The following LRP1B variants were observed in gnomAD, a reference collection of about 807,000 sequenced individuals.
LRP1B encodes the protein LDL receptor related protein 1B, also known as low-density lipoprotein receptor-related protein 1B.
LRP1B carries 217 observed loss-of-function variants against 556.6 expected under a neutral mutation model. The observed-to-expected ratio is 0.39, with a 90% confidence interval of 0.35 to 0.44. LRP1B has a LOEUF of 0.44. LRP1B is among the 20% of genes least tolerant of loss of function. The pLI, the probability that LRP1B is intolerant of heterozygous loss-of-function variation, is 1.00. For synonymous variants in LRP1B, 2,047 were observed against 1,865.8 expected (o/e 1.10, Z -2.50); for missense variants, 5,053 against 5,620.8 (o/e 0.90, Z 3.23).
intron 2 of LRP1B, among the ~76,000 whole-genome samples, chr2:141,484,313 T>C (rs2105097884): frequency 6.7e-6 from 1 of 149,592 alleles, no homozygotes; most frequent in East Asian, 2.0e-4. Flanking sequence ...TTCTGTTCCA[T>C]TGGTCTATAT....
At chr2:141,330,759 T>C (rs1284385959) in intron 3 of LRP1B, among the ~76,000 whole-genome samples, 1 of 148,450 alleles carries the variant, frequency 6.7e-6, no homozygotes, top group Non-Finnish European at 1.5e-5. Flanking sequence ...TTTTTTTTTT[T>C]TTTTTTTTTT....
chr2:141,729,524 T>G (rs1421451668), intron 2 of LRP1B, among the ~76,000 whole-genome samples: 1 of 152,126 alleles, frequency 6.6e-6, no homozygotes, highest in Non-Finnish European at 1.5e-5. Flanking sequence ...TGTACATTAG[T>G]GGAAGTACAA....
At chr2:140,483,599 C>G (rs1331274512) in intron 59 of LRP1B, among the ~76,000 whole-genome samples, 1 of 93,758 alleles carries the variant, frequency 1.1e-5, no homozygotes, top group Non-Finnish European at 2.0e-5. Context: ...TATATATAGA[C>G]ACACACACAC....
In LRP1B at chr2:141,619,877, C is replaced by T. The variant is rs1212572821; in HGVS notation, c.206-139344G>A. ...ATCCACCCACTCTAAAACCATCCTA[C>T]GAGCAGATTAAAAGGGGCTAATGTT... On this transcript the variant is annotated intron_variant, in intron 2 of 90. Coordinates refer to ENST00000389484, the MANE Select transcript of LRP1B (RefSeq NM_018557.3). Among the ~76,000 whole-genome samples the T allele has an allele frequency of 6.6e-5, 10 of 152,258 alleles. No individual in the cohort carries two copies. In the South Asian group the frequency reaches 1.2e-3, roughly 19 times the overall value.
In LRP1B at chr2:140,851,589, C is replaced by T. The variant is rs567684449; in HGVS notation, c.4711+63G>A. 1.6e-5 allele frequency: 25 copies of T among 1,555,204 alleles called. No homozygotes were observed. The African/African-American group carries it at 2.6e-4, about 16-fold the overall frequency. On this transcript the variant is annotated intron_variant, in intron 28 of 90. Transcript: ENST00000389484. Reference sequence around the variant, plus strand: ...CTTTAATATGAGTAAAATCTGAATGCTAATATAATTTGAGAGAATTCAATT... The same window carrying T: ...CTTTAATATGAGTAAAATCTGAATGTTAATATAATTTGAGAGAATTCAATT...
chr2:141,658,156 G>A (rs1690084788), intron 2 of LRP1B, among the ~76,000 whole-genome samples: 1 of 152,130 alleles, frequency 6.6e-6, no homozygotes. Flanking sequence ...TATTGAGGGG[G>A]ATGAGAGGAA....
chr2:141,245,892 C>A (rs1427272330), intron 5 of LRP1B, among the ~76,000 whole-genome samples: 1 of 152,028 alleles, frequency 6.6e-6, no homozygotes, highest in African/African-American at 2.4e-5. Context: ...TTTTTTCCAT[C>A]CTGCCCTCCT....
chr2:141,426,642 T>C (rs979704121), intron 3 of LRP1B, among the ~76,000 whole-genome samples: 2 of 152,232 alleles, frequency 1.3e-5, no homozygotes, highest in Admixed American at 1.3e-4. Context: ...GATTCTTCTT[T>C]GGCTTTGTTT....
intron 7 of LRP1B, among the ~76,000 whole-genome samples, chr2:141,186,815 CAGAA>C (rs1172596446): frequency 2.0e-5 from 3 of 152,000 alleles, no homozygotes; most frequent in African/African-American, 7.2e-5. Context: ...TATTGTTGTT[CAGAA>C]AGAGAGATGG....
chr2:140,807,684 A>T (rs113785601), intron 32 of LRP1B, among the ~76,000 whole-genome samples: 2,944 of 151,888 alleles, frequency 0.019, 52 homozygotes, highest in Middle Eastern at 0.038. Flanking sequence ...AAAATTCCAT[A>T]AAAAAAATTT....
At chr2:140,498,085 CTT>C (rs1025761040) in intron 55 of LRP1B, among the ~76,000 whole-genome samples, 3 of 151,670 alleles carry the variant, frequency 2.0e-5, no homozygotes, top group African/African-American at 7.3e-5. Flanking sequence ...AAATAATAAT[CTT>C]TTGCATTTTC....
At chr2:140,510,320 G>T (rs1689599009) in intron 51 of LRP1B, among the ~76,000 whole-genome samples, 1 of 152,164 alleles carries the variant, frequency 6.6e-6, no homozygotes, top group Admixed American at 6.5e-5. Context: ...CTTGTAAAAT[G>T]TGGCAAAGCA....
intron 1 of LRP1B, among the ~76,000 whole-genome samples, chr2:142,082,517 C>A (rs1705757939): frequency 6.6e-6 from 1 of 152,150 alleles, no homozygotes; most frequent in South Asian, 2.1e-4. Context: ...GCCACACTGG[C>A]TGATTTCTTG....
At chr2:141,796,763 T>C (rs554328088) in intron 2 of LRP1B, among the ~76,000 whole-genome samples, 94 of 152,022 alleles carry the variant, frequency 6.2e-4, no homozygotes, top group African/African-American at 2.1e-3. Flanking sequence ...GATTCAAATA[T>C]TTTCTTTCAC....
chr2:141,431,883 T>C (rs1296347898), intron 3 of LRP1B, among the ~76,000 whole-genome samples: 1 of 152,186 alleles, frequency 6.6e-6, no homozygotes, highest in East Asian at 1.9e-4. Context: ...AGATTTACTA[T>C]ACATAAGGTC....
At chr2:141,098,177 T>C (rs767078919) in intron 7 of LRP1B, among the ~76,000 whole-genome samples, 1 of 152,192 alleles carries the variant, frequency 6.6e-6, no homozygotes, top group Non-Finnish European at 1.5e-5. Context: ...CTAAAATGTG[T>C]CTCTACTTTC....
chr2:140,945,179 T>C (rs1256803361), intron 20 of LRP1B, among the ~76,000 whole-genome samples: 1 of 151,844 alleles, frequency 6.6e-6, no homozygotes, highest in Non-Finnish European at 1.5e-5. Flanking sequence ...TATCTAGGAA[T>C]ACATCTAACC....
At position 140,689,478 on chromosome 2, in the gene LRP1B, G is replaced by T. The variant is rs977249590; in HGVS notation, c.6799+10772C>A. On this transcript the variant is annotated intron_variant, in intron 41 of 90. Transcript: ENST00000389484. ...CTGGGGGCTGCCCAATTTGTGAATCGTTCATTGCTCAATTAAACTCCCTTA... is the reference window on the plus strand; with the variant it reads ...CTGGGGGCTGCCCAATTTGTGAATCTTTCATTGCTCAATTAAACTCCCTTA... 2.6e-5 allele frequency among the ~76,000 whole-genome samples: 4 copies of T among 152,214 alleles called. No homozygotes were observed. In the South Asian group the frequency reaches 8.3e-4, roughly 32 times the overall value.
intron 1 of LRP1B, among the ~76,000 whole-genome samples, chr2:141,819,267 AC>A (rs1470754700): frequency 5.3e-5 from 8 of 152,148 alleles, no homozygotes; most frequent in African/African-American, 1.9e-4. Context: ...AAAAAAAAAA[AC>A]AAAAAACTTT....
Sources: gnomAD v4.1 joint callset for allele counts (sites outside exome capture counted in the v4.1 genomes callset) on GRCh38, gnomAD v4.1.1 for gene constraint, MANE v1.5 for transcripts, NCBI Gene and HGNC (gene_info 2026-07-23, HGNC 2026-07-21) for gene names.